NDUFS1: variants seen among roughly 807,000 people sequenced by gnomAD.
NDUFS1 encodes NADH:ubiquinone oxidoreductase core subunit S1, also known as NADH-ubiquinone oxidoreductase 75 kDa subunit, mitochondrial.
A neutral mutation model predicts 84.4 loss-of-function variants in NDUFS1; 61 were observed. The ratio of observed to expected loss-of-function variants is 0.72; its 90% CI spans 0.59 to 0.89. NDUFS1 has a LOEUF of 0.89. Among genes scored for constraint, NDUFS1 ranks in the 40% least tolerant of loss-of-function variants. NDUFS1 has a pLI of 0.00. For missense variants in NDUFS1, 891 were observed against 890.0 expected, an observed-to-expected ratio of 1.00 and a Z score of -0.01; for synonymous variants, 275 against 290.0, an observed-to-expected ratio of 0.95 and a Z score of 0.53.
At chr2:206,152,700 C>CAGA (rs1559065444) in intron 2 of NDUFS1, among the ~76,000 whole-genome samples, 190 bp from the exon 3 acceptor site, 1 of 136,366 alleles carries the variant, frequency 7.3e-6, no homozygotes, top group African/African-American at 2.8e-5. Flanking sequence ...CTTCTTTCTT[C>CAGA]TTCTTTTTTT....
chr2:206,152,553 T>G (rs373364831), intron 2 of NDUFS1, 43 bp from the exon 3 acceptor site: 6 of 1,533,930 alleles, frequency 3.9e-6, no homozygotes, highest in African/African-American at 1.4e-5. Context: ...ATTAACAGTT[T>G]ATTATAGCAG....
At chr2:206,146,754 A>G in intron 8 of NDUFS1, 149 bp downstream of exon 8, 1 of 710,582 alleles carries the variant, frequency 1.4e-6, no homozygotes, top group Non-Finnish European at 2.3e-6. Context: ...CATTCTAACT[A>G]CTTACCTTCT....
rs1472916842 is a variant in NDUFS1, at chr2:206,117,674, A to T, written c.*6511T>A. 1 of 152,100 alleles carries T rather than the reference A, an allele frequency of 6.6e-6. No individual in the cohort carries two copies. The highest frequency in any genetic ancestry group is 1.5e-5 in the Non-Finnish European group (1 of 68,020). The allele number at this position is 152,100 out of a possible 1,614,324, so 9.4% of individuals were successfully genotyped here. A position where few individuals can be genotyped will look rare whatever the true frequency, so the allele number is the denominator to read the frequency against. Reference sequence around the variant, plus strand: ...GGTCTTGAACTCCTGGCCTTATGAGAGCCACCGCACCCAGCTGATACTCTG... The same window carrying T: ...GGTCTTGAACTCCTGGCCTTATGAGTGCCACCGCACCCAGCTGATACTCTG... On this transcript the variant is annotated 3_prime_UTR_variant, in exon 19 of 19. Transcript: ENST00000233190.
In NDUFS1 at chr2:206,142,699, T is replaced by C. The variant is rs765436915; in HGVS notation, c.1120A>G (p.Thr374Ala). 1.4e-5 allele frequency: 23 copies of C among 1,614,164 alleles called. No homozygotes were observed. The South Asian group carries it at 2.3e-4, about 16-fold the overall frequency. ...CATATTTCTCACCCAGCTCCTGCAGTGGGGAAGACCTCTTCAGTGCATAAG... is the reference window on the plus strand; with the variant it reads ...CATATTTCTCACCCAGCTCCTGCAGCGGGGAAGACCTCTTCAGTGCATAAG... The part of the protein sequence containing the change: ...DTLCTEEVFP[T>A]AGAGTDLRSN... Residue 374 changes from threonine to alanine, a missense_variant, in exon 11 of 19, where the codon ACT (threonine) becomes GCT (alanine). By Grantham distance (58) the Thr-to-Ala change is moderately conservative. Transcript: ENST00000233190.
chr2:206,153,661 T>C lies in NDUFS1; in HGVS notation c.18A>G (p.Val6=). Residue 6 remains valine (V), a synonymous_variant, in exon 2 of 19, where the codon GTA becomes GTG. Coordinates refer to ENST00000233190, the MANE Select transcript of NDUFS1 (RefSeq NM_005006.7). The part of the protein sequence containing the change: MLRIP[V]RKALVGLSKS... ...TAGAAAGGCCTACTAAGGCCTTTCT[T>C]ACAGGTATCCTTAACATATTGCTAA... 6.5e-7 allele frequency: 1 copy of C among 1,533,634 alleles called. No homozygotes were observed. Among genetic ancestry groups the C allele is most frequent in the Non-Finnish European group, 9.0e-7 (1 of 1,111,852 alleles).
intron 3 of NDUFS1, among the ~76,000 whole-genome samples, chr2:206,150,169 C>A (rs1363008532): frequency 6.6e-6 from 1 of 152,170 alleles, no homozygotes; most frequent in Non-Finnish European, 1.5e-5. Flanking sequence ...GTGGAAGAAA[C>A]TGGATAAAGT....
intron 11 of NDUFS1, 80 bp from the exon 12 acceptor site, chr2:206,142,149 C>A: frequency 1.6e-6 from 2 of 1,287,416 alleles, no homozygotes; most frequent in South Asian, 1.3e-5. Context: ...CTCCTATCAT[C>A]AAACCCATTG....
In NDUFS1 at chr2:206,144,997, G is replaced by T; in HGVS notation, c.767C>A (p.Ala256Glu). The change falls in exon 9 of 19, where the codon GCG becomes GAG. Residue 256 changes from alanine to glutamate, a missense_variant. Physicochemically the swap from Ala to Glu is moderately radical, Grantham distance 107. Coordinates refer to ENST00000233190, the MANE Select transcript of NDUFS1 (RefSeq NM_005006.7). Reference sequence around the variant, plus strand: ...GCTAACCACAATATTACTTCCAACCGCATCCATTACATCAATGGATTCTGT... The same window carrying T: ...GCTAACCACAATATTACTTCCAACCTCATCCATTACATCAATGGATTCTGT... ...RKTESIDVMD[A>E]VGSNIVVSTR... 6.2e-7 allele frequency: 1 copy of T among 1,613,614 alleles called. No individual in the cohort carries two copies. The highest frequency in any genetic ancestry group is 1.1e-5 in the South Asian group (1 of 91,042).
chr2:206,118,171 T>C lies in NDUFS1; in HGVS notation c.*6014A>G, dbSNP rs899115723. 20 of 152,214 alleles carry C rather than the reference T, an allele frequency of 1.3e-4. No individual in the cohort carries two copies. Among genetic ancestry groups the C allele is most frequent in the Non-Finnish European group, 2.1e-4 (14 of 68,046 alleles). The allele number at this position is 152,214 out of a possible 1,614,324, so 9.4% of individuals were successfully genotyped here. On this transcript the variant is annotated 3_prime_UTR_variant, in exon 19 of 19. Transcript: ENST00000233190. ...GTAGTGAAAAACACAAAAAACACTT[T>C]AAGCAGAGGGTATTTGGTTTTGAGA...
chr2:206,131,578 G>A (rs906423876), intron 14 of NDUFS1, among the ~76,000 whole-genome samples: 9 of 152,154 alleles, frequency 5.9e-5, no homozygotes, highest in African/African-American at 1.9e-4. Flanking sequence ...GAGGGTGGCA[G>A]ATCACCTGAG....
chr2:206,141,489 A>C (rs1356687306), intron 12 of NDUFS1, among the ~76,000 whole-genome samples: 6 of 151,804 alleles, frequency 4.0e-5, no homozygotes, highest in Non-Finnish European at 8.8e-5. Flanking sequence ...CCGAGATCGC[A>C]CCACTGCAAT....
chr2:206,150,135 A>T (rs1161057624), intron 3 of NDUFS1, among the ~76,000 whole-genome samples: 1 of 151,912 alleles, frequency 6.6e-6, no homozygotes, highest in Non-Finnish European at 1.5e-5. Context: ...GGATCTCAGG[A>T]TCCTTGGCGT....
intron 12 of NDUFS1, among the ~76,000 whole-genome samples, chr2:206,139,240 C>A (rs1691841773): frequency 6.6e-6 from 1 of 152,012 alleles, no homozygotes; most frequent in African/African-American, 2.4e-5. Context: ...GGCTGGAGTG[C>A]TGTGGCGCAA....
Position 206,116,105 on chromosome 2 carries a change from C to T in NDUFS1, c.*8080G>A. 7.6e-7 allele frequency: 1 copy of T among 1,313,960 alleles called. No homozygotes were observed. Among genetic ancestry groups the T allele is most frequent in the Non-Finnish European group, 1.1e-6 (1 of 907,658 alleles). The allele number at this position is 1,313,960 out of a possible 1,614,324, so 81.4% of individuals were successfully genotyped here. A position where few individuals can be genotyped will look rare whatever the true frequency, so the allele number is the denominator to read the frequency against. ...TTCATACTAGCTTATTTAGTGGTTCCATTTTCACTCCTCAATAGATTTTAT... is the reference window on the plus strand; with the variant it reads ...TTCATACTAGCTTATTTAGTGGTTCTATTTTCACTCCTCAATAGATTTTAT... On this transcript the variant is annotated 3_prime_UTR_variant, in exon 19 of 19. Transcript: ENST00000233190.
At chr2:206,128,926 C>A (rs1183759984) in intron 15 of NDUFS1, among the ~76,000 whole-genome samples, 1 of 151,542 alleles carries the variant, frequency 6.6e-6, no homozygotes. Flanking sequence ...TCAGATGTAC[C>A]AGTTTGTGAA....
chr2:206,157,201 T>A (rs1282605567), intron 1 of NDUFS1, among the ~76,000 whole-genome samples: 2 of 152,240 alleles, frequency 1.3e-5, no homozygotes, highest in Non-Finnish European at 2.9e-5. Flanking sequence ...TCCACCCGCG[T>A]CGACCTCCCA....
chr2:206,122,080 A>T lies in NDUFS1; in HGVS notation c.*2105T>A, dbSNP rs972561211. 10 of 152,160 alleles carry T rather than the reference A, an allele frequency of 6.6e-5. No homozygotes were observed. The highest frequency in any genetic ancestry group is 1.5e-5 in the Non-Finnish European group (1 of 68,034). The allele number at this position is 152,160 out of a possible 1,614,324, so 9.4% of individuals were successfully genotyped here. On this transcript the variant is annotated 3_prime_UTR_variant, in exon 19 of 19. Coordinates refer to ENST00000233190, the MANE Select transcript of NDUFS1 (RefSeq NM_005006.7). ...CACACAACTTCATGATGTATCACTG[A>T]GGAGGATAAGATAAACAGTTCTAAA... is the stretch of plus-strand genomic sequence containing the variant.
intron 18 of NDUFS1, among the ~76,000 whole-genome samples, chr2:206,125,869 C>T (rs1294228942): frequency 6.6e-6 from 1 of 151,992 alleles, no homozygotes; most frequent in Non-Finnish European, 1.5e-5. Flanking sequence ...TTCATAAGTT[C>T]GCAGATAAAT....
intron 1 of NDUFS1, among the ~76,000 whole-genome samples, chr2:206,155,960 G>A (rs1342852886): frequency 6.6e-6 from 1 of 151,460 alleles, no homozygotes; most frequent in Non-Finnish European, 1.5e-5. Flanking sequence ...CATATAGGTT[G>A]AGCATCCAAA....
Sources: gnomAD v4.1 joint callset for allele counts (sites outside exome capture counted in the v4.1 genomes callset) on GRCh38, gnomAD v4.1.1 for gene constraint, MANE v1.5 for transcripts, NCBI Gene and HGNC (gene_info 2026-07-23, HGNC 2026-07-21) for gene names.